The following RBM4 variants were observed in gnomAD, a reference collection of about 807,000 sequenced individuals.
The protein encoded by RBM4 is RNA-binding protein 4.
RBM4 carries 7 observed loss-of-function variants against 29.5 expected under a neutral mutation model. That is an observed-to-expected ratio of 0.24 (90% CI 0.14 to 0.45). The LOEUF (loss-of-function observed/expected upper bound fraction) is 0.45. Among genes scored for constraint, RBM4 ranks in the 20% least tolerant of loss-of-function variants. The pLI is 1.00. For missense variants in RBM4, 387 were observed against 502.3 expected (o/e 0.77, Z 2.19); for synonymous variants, 220 against 205.4 (o/e 1.07, Z -0.61).
At chr11:66,659,074 A>C (rs1461787416) in intron 2 of RBM4, among the ~76,000 whole-genome samples, 1 of 151,474 alleles carries the variant, frequency 6.6e-6, no homozygotes, top group African/African-American at 2.4e-5. Context: ...TCTGGGGAAA[A>C]TAAAATTAAT....
downstream of RBM4, among the ~76,000 whole-genome samples, chr11:66,648,790 G>A (rs1238454321): frequency 6.6e-6 from 1 of 151,698 alleles, no homozygotes; most frequent in African/African-American, 2.4e-5. Context: ...TCAAGCCTGG[G>A]GGACAAGGGC....
intron 2 of RBM4, among the ~76,000 whole-genome samples, chr11:66,653,522 C>G (rs1938877512): frequency 6.6e-6 from 1 of 152,074 alleles, no homozygotes; most frequent in Non-Finnish European, 1.5e-5. Context: ...CCACCACGCC[C>G]AGCTTACTTT....
chr11:66,644,770 A>G, intron 3 of RBM4: 1 of 874,050 alleles, frequency 1.1e-6, no homozygotes, highest in Non-Finnish European at 1.4e-6. Context: ...AGAAATACAA[A>G]ACTTATCTTT....
rs1228401704 is a variant in RBM4, at chr11:66,643,662, T to G, written c.625T>G (p.Leu209Val). Residue 209 changes from leucine (L) to valine (V), a missense_variant, in exon 3 of 4, where the codon TTG becomes GTG. This residue lies in a region of RBM4 where 281 missense variants were observed against 288.7 expected (regional missense o/e 0.97). Transcript: ENST00000310092. The surrounding 1 kb of genome is among the most constrained non-coding windows in gnomAD (Gnocchi z 6.1). ...TPYTMSYGDS[L>V]YYNNAYGALD... ...TTACACCATGAGCTATGGGGATTCA[T>G]TGTATTACAACAACGCGTACGGAGC... The G allele has an allele frequency of 6.2e-7, 1 of 1,614,172 alleles. No individual in the cohort carries two copies. Among genetic ancestry groups the G allele is most frequent in the East Asian group, 2.2e-5 (1 of 44,882 alleles).
At chr11:66,664,543 C>T (rs1939159875) in intron 2 of RBM4, among the ~76,000 whole-genome samples, 1 of 152,098 alleles carries the variant, frequency 6.6e-6, no homozygotes, top group African/African-American at 2.4e-5. Flanking sequence ...TAACTGCAAC[C>T]TCTGCCTCCT....
chr11:66,655,628 G>A (rs1028062578), intron 2 of RBM4, among the ~76,000 whole-genome samples: 6 of 152,222 alleles, frequency 3.9e-5, no homozygotes, highest in African/African-American at 1.2e-4. Flanking sequence ...TGAATTAGAT[G>A]TAAGTTAGCA....
chr11:66,664,639 T>G (rs553303059), intron 2 of RBM4, among the ~76,000 whole-genome samples: 22 of 152,056 alleles, frequency 1.4e-4, no homozygotes, highest in East Asian at 1.4e-3. Context: ...TTTTGTATTT[T>G]AGTAGAGATG....
chr11:66,666,666 A>G lies in RBM4; in HGVS notation c.*701A>G, dbSNP rs115156643. 1,159 of 153,992 alleles carry G rather than the reference A, an allele frequency of 7.5e-3. 13 individuals are homozygous for G. Among genetic ancestry groups the G allele is most frequent in the African/African-American group, 0.026 (1,082 of 41,602 alleles). 9.5% of individuals were successfully genotyped at this position (153,992 alleles called of 1,614,324 possible). On this transcript the variant is annotated 3_prime_UTR_variant, in exon 3 of 3. Coordinates refer to the RBM4 transcript ENST00000396053. The stretch of plus-strand genomic sequence containing the variant: ...GAGACAGGTTATCTGATAGATTTAT[A>G]CCAGCTTACTTCGGAAGCATGTCCC...
At chr11:66,655,543 G>A (rs1405400832) in intron 2 of RBM4, among the ~76,000 whole-genome samples, 1 of 152,202 alleles carries the variant, frequency 6.6e-6, no homozygotes, top group Non-Finnish European at 1.5e-5. Context: ...GCCTCCCAAA[G>A]TGCTGGGATT....
At chr11:66,649,612 T>C, downstream of RBM4, 1 of 606,406 alleles carries the variant, frequency 1.6e-6, no homozygotes, top group Non-Finnish European at 2.9e-6. Context: ...TGAAGTTGTT[T>C]TTATGCTTCC....
intron 3 of RBM4, chr11:66,644,665 C>T: frequency 1.0e-6 from 1 of 983,712 alleles, no homozygotes; most frequent in Non-Finnish European, 1.2e-6. Context: ...ACCAAAATGG[C>T]ATCATCTTAA....
At chr11:66,658,223 T>TCTC (rs1938990400) in intron 2 of RBM4, among the ~76,000 whole-genome samples, 1 of 151,260 alleles carries the variant, frequency 6.6e-6, no homozygotes, top group Admixed American at 6.6e-5. Context: ...AGATGGGGTT[T>TCTC]CTCCGTGGTG....
At chr11:66,644,241 G>A in intron 3 of RBM4, 101 bp downstream of exon 3, 1 of 1,463,658 alleles carries the variant, frequency 6.8e-7, no homozygotes, top group Non-Finnish European at 9.1e-7. Context: ...CTTTTGCAGG[G>A]TTAGGGGAAG....
At position 66,640,127 on chromosome 11, in the gene RBM4, A is replaced by T; in HGVS notation, c.412+4A>T. ...CTTGATAACACAGAGTTTCAAGGTGAACCACCCTCTTTGGGTAGAGGGCTG... is the reference window on the plus strand; with the variant it reads ...CTTGATAACACAGAGTTTCAAGGTGTACCACCCTCTTTGGGTAGAGGGCTG... On this transcript the variant is annotated splice_donor_region_variant and intron_variant, in intron 2 of 3. Coordinates refer to ENST00000310092, the MANE Select transcript of RBM4 (RefSeq NM_002896.4). 1.2e-6 allele frequency: 2 copies of T among 1,614,186 alleles called. No homozygotes were observed. The highest frequency in any genetic ancestry group is 1.7e-6 in the Non-Finnish European group (2 of 1,180,022).
rs751773381 is a variant in RBM4, at chr11:66,643,845, G to A, written c.808G>A (p.Asp270Asn). 36 of 1,613,616 alleles carry A rather than the reference G, an allele frequency of 2.2e-5. No individual in the cohort carries two copies. Among genetic ancestry groups the A allele is most frequent in the Non-Finnish European group, 2.6e-5 (31 of 1,179,976 alleles). The change falls in exon 3 of 4, where the codon GAT becomes AAT. Residue 270 changes from aspartate to asparagine, a missense_variant. This residue lies in a region of RBM4 where 281 missense variants were observed against 288.7 expected (regional missense o/e 0.97). Transcript: ENST00000310092. This position sits in a 1 kb window ranked among gnomAD's most constrained non-coding sequence, Gnocchi z 6.1. Reference protein sequence around the residue: ...MASHLTSTSLDPYDRHLLPTS... With the variant: ...MASHLTSTSLNPYDRHLLPTS... ...CAGTCACCTCACCTCCACCTCTCTCGATCCCTACGATAGACACCTGTTGCC... is the reference window on the plus strand; with the variant it reads ...CAGTCACCTCACCTCCACCTCTCTCAATCCCTACGATAGACACCTGTTGCC...
exon 3 of RBM4, chr11:66,666,125 G>C (rs1939224236): frequency 3.8e-6 from 3 of 783,568 alleles, no homozygotes; most frequent in Admixed American, 6.9e-5. Context: ...CTGTCACAGA[G>C]TGAGAGCCAC....
chr11:66,654,762 C>T (rs1938909865), intron 2 of RBM4, among the ~76,000 whole-genome samples: 1 of 150,014 alleles, frequency 6.7e-6, no homozygotes, highest in Non-Finnish European at 1.5e-5. Context: ...AAGTGATCAT[C>T]CTGCCTCAGC....
rs1212055424 is a variant in RBM4, at chr11:66,643,314, C to A, written c.413-136C>A. On this transcript the variant is annotated intron_variant, in intron 2 of 3. Coordinates refer to ENST00000310092, the MANE Select transcript of RBM4 (RefSeq NM_002896.4). This position sits in a 1 kb window ranked among gnomAD's most constrained non-coding sequence, Gnocchi z 6.1. ...ATATGTTGAGTCTTTTTTTTTTTTC[C>A]TTTTTATCTTTTCCTAAAGATGAGT... 7 of 1,117,676 alleles carry A rather than the reference C, an allele frequency of 6.3e-6. No individual in the cohort carries two copies. The highest frequency in any genetic ancestry group is 2.4e-5 in the South Asian group (1 of 42,158). 69.2% of individuals were successfully genotyped at this position (1,117,676 alleles called of 1,614,324 possible).
chr11:66,664,113 C>T (rs1267807380), intron 2 of RBM4, among the ~76,000 whole-genome samples: 1 of 151,564 alleles, frequency 6.6e-6, no homozygotes, highest in Non-Finnish European at 1.5e-5. Flanking sequence ...GCTCAAGAGT[C>T]TCCCACTTCA....
Sources: gnomAD v4.1 joint callset for allele counts (sites outside exome capture counted in the v4.1 genomes callset) on GRCh38, gnomAD v4.1.1 for gene constraint, gnomAD v4.1.1 regional missense constraint, Gnocchi (gnomAD v3.1) non-coding constraint, MANE v1.5 for transcripts, NCBI Gene and HGNC (gene_info 2026-07-23, HGNC 2026-07-21) for gene names.